USP32: variants seen among roughly 807,000 people sequenced by gnomAD.
USP32 encodes ubiquitin specific peptidase 32.
Under a neutral mutation model 204.8 loss-of-function variants are expected in USP32, and 59 were observed. The observed-to-expected ratio is 0.29, with a 90% CI of 0.23 to 0.36. The LOEUF is 0.36. Among genes scored for constraint, USP32 ranks in the 10% least tolerant of loss-of-function variants. The probability of loss-of-function intolerance (pLI) is 1.00; values close to 1 mark genes in which losing one functional copy is unlikely to be tolerated. For synonymous variants in USP32, 517 were observed against 678.4 expected (o/e 0.76, Z 3.70); for missense variants, 1,160 against 1,946.4 (o/e 0.60, Z 7.60).
At chr17:60,237,525 T>A (rs575670676) in intron 11 of USP32, among the ~76,000 whole-genome samples, 5 of 152,276 alleles carry the variant, frequency 3.3e-5, no homozygotes, top group African/African-American at 1.2e-4. Flanking sequence ...CACCTCTTAT[T>A]AAGTTTCAAA....
intron 9 of USP32, among the ~76,000 whole-genome samples, chr17:60,256,449 A>T (rs544307039): frequency 4.3e-4 from 66 of 152,284 alleles, no homozygotes; most frequent in Non-Finnish European, 7.5e-4. Context: ...TTTCCACCCA[A>T]ATCAGTACAG....
chr17:60,234,732 GA>G (rs1294298128), intron 12 of USP32, among the ~76,000 whole-genome samples: 7 of 147,596 alleles, frequency 4.7e-5, no homozygotes, highest in African/African-American at 1.5e-4. Context: ...CTCCGTCTCA[GA>G]AAAAAAAAAA....
intron 11 of USP32, 92 bp downstream of exon 11, chr17:60,252,289 G>T: frequency 1.0e-6 from 1 of 993,056 alleles, no homozygotes; most frequent in South Asian, 1.6e-5. Flanking sequence ...AATAGTTAAT[G>T]ATTACATTAA....
upstream of USP32, among the ~76,000 whole-genome samples, chr17:60,394,767 G>A (rs1383921498): frequency 2.0e-5 from 3 of 151,650 alleles, no homozygotes; most frequent in South Asian, 2.1e-4. Flanking sequence ...TTTTTGAGAC[G>A]GAGTCTTGCT....
At chr17:60,180,485 G>T (rs1178999342) in intron 33 of USP32, 60 bp downstream of exon 33, 2 of 1,526,790 alleles carry the variant, frequency 1.3e-6, no homozygotes, top group Non-Finnish European at 1.8e-6. Flanking sequence ...TTCAACAAAT[G>T]TTCCCCAGTT....
chr17:60,418,929 G>C (rs1001575635), intron 1 of USP32, among the ~76,000 whole-genome samples: 2 of 152,178 alleles, frequency 1.3e-5, no homozygotes, highest in Admixed American at 1.3e-4. Context: ...GTGTAAATTA[G>C]TTCAACCATA....
intron 1 of USP32, among the ~76,000 whole-genome samples, chr17:60,409,010 C>A (rs60354470): frequency 6.6e-6 from 1 of 152,066 alleles, no homozygotes; most frequent in Admixed American, 6.6e-5. Context: ...TGGGGAGACA[C>A]AGCTGAGCAT....
At chr17:60,381,990 T>C (rs2089654249) in intron 1 of USP32, among the ~76,000 whole-genome samples, 1 of 152,246 alleles carries the variant, frequency 6.6e-6, no homozygotes, top group Non-Finnish European at 1.5e-5. Context: ...TGTGTGTATG[T>C]GTGCATGGTG....
At chr17:60,226,475 T>C (rs953321481) in intron 12 of USP32, among the ~76,000 whole-genome samples, 3 of 152,218 alleles carry the variant, frequency 2.0e-5, no homozygotes, top group Non-Finnish European at 4.4e-5. Context: ...TAAAGTAATT[T>C]ACACTCTATT....
At chr17:60,368,901 T>C (rs2089374145) in intron 1 of USP32, among the ~76,000 whole-genome samples, 2 of 152,010 alleles carry the variant, frequency 1.3e-5, no homozygotes, top group South Asian at 4.1e-4. Flanking sequence ...ATGAAAAAGT[T>C]TCTGATGCAA....
At position 60,390,744 on chromosome 17, in the gene USP32, T is replaced by A. The variant is rs187533649; in HGVS notation, c.58+1138A>T. On this transcript the variant is annotated intron_variant, in intron 1 of 33. Coordinates refer to ENST00000300896, the MANE Select transcript of USP32 (RefSeq NM_032582.4). ...CTTTTAATCTAATTACCATTTTATA[T>A]CCTTAGCTACTAAAACCACCTGGAG... 1.3e-4 allele frequency among the ~76,000 whole-genome samples: 20 copies of A among 152,328 alleles called. No individual in the cohort carries two copies. In the East Asian group the frequency reaches 3.5e-3, roughly 26 times the overall value.
chr17:60,269,801 A>C (rs1192265693), intron 6 of USP32, among the ~76,000 whole-genome samples: 1 of 152,186 alleles, frequency 6.6e-6, no homozygotes, highest in African/African-American at 2.4e-5. Flanking sequence ...ATCTATATTT[A>C]TCTTACATCA....
intron 25 of USP32, 89 bp downstream of exon 25, chr17:60,206,932 C>T: frequency 6.6e-7 from 1 of 1,522,136 alleles, no homozygotes; most frequent in Non-Finnish European, 8.8e-7. Flanking sequence ...CTATAATATC[C>T]TCAGCATGAA....
At chr17:60,371,568 C>CAA (rs541521928) in intron 1 of USP32, among the ~76,000 whole-genome samples, 1 of 128,902 alleles carries the variant, frequency 7.8e-6, no homozygotes, top group African/African-American at 2.9e-5. Flanking sequence ...GATTCTGTCT[C>CAA]AAAAAAAAAA....
chr17:60,247,829 A>G (rs1300282867), intron 11 of USP32, among the ~76,000 whole-genome samples: 1 of 152,094 alleles, frequency 6.6e-6, no homozygotes, highest in Non-Finnish European at 1.5e-5. Flanking sequence ...GACTACAGGC[A>G]TGTGCTATCA....
In USP32 at chr17:60,311,435, T is replaced by C. The variant is rs192749150; in HGVS notation, c.187-9731A>G. ...CATCCCAGTAAATAATATGATTAAC[T>C]CTGAAGAGAGGGAAATTTGTCTGTA... On this transcript the variant is annotated intron_variant, in intron 2 of 33. Transcript: ENST00000300896. Among the ~76,000 whole-genome samples the C allele has an allele frequency of 2.4e-3, 364 of 152,280 alleles. 2 individuals carry two copies. Among genetic ancestry groups the C allele is most frequent in the Non-Finnish European group, 4.4e-3 (298 of 68,020 alleles).
chr17:60,302,640 C>G (rs1324651559), intron 2 of USP32, among the ~76,000 whole-genome samples: 1 of 152,186 alleles, frequency 6.6e-6, no homozygotes, highest in Non-Finnish European at 1.5e-5. Flanking sequence ...GAGTCCTTAT[C>G]AAGGTCCAAG....
intron 2 of USP32, among the ~76,000 whole-genome samples, chr17:60,311,400 A>G (rs990617511): frequency 2.0e-5 from 3 of 152,248 alleles, no homozygotes; most frequent in Non-Finnish European, 4.4e-5. Flanking sequence ...CTCCTTTCAG[A>G]CAATGATGTC....
At chr17:60,377,953 C>T (rs183557366) in intron 1 of USP32, among the ~76,000 whole-genome samples, 1 of 152,208 alleles carries the variant, frequency 6.6e-6, no homozygotes, top group Admixed American at 6.5e-5. Context: ...ATTAAAAGAT[C>T]CTATCAAGAC....
Sources: gnomAD v4.1 joint callset for allele counts (sites outside exome capture counted in the v4.1 genomes callset) on GRCh38, gnomAD v4.1.1 for gene constraint, MANE v1.5 for transcripts, NCBI Gene and HGNC (gene_info 2026-07-23, HGNC 2026-07-21) for gene names.